The following DPP10 variants were observed in gnomAD, a reference collection of about 807,000 sequenced individuals.
DPP10 encodes the protein inactive dipeptidyl peptidase 10.
A neutral mutation model predicts 120.9 loss-of-function variants in DPP10; 33 were observed. The ratio of observed to expected loss-of-function variants is 0.27; its 90% CI spans 0.21 to 0.37. The LOEUF (loss-of-function observed/expected upper bound fraction) is 0.37, where lower values mean the gene tolerates loss of function less well. Among genes scored for constraint, DPP10 ranks in the 10% least tolerant of loss-of-function variants. The pLI is 1.00. For missense variants in DPP10, 816 were observed against 942.8 expected (o/e 0.87, Z 1.76); for synonymous variants, 337 against 326.1 (o/e 1.03, Z -0.36).
At chr2:114,776,432 C>T (rs1681748352) in intron 1 of DPP10, among the ~76,000 whole-genome samples, 2 of 152,024 alleles carry the variant, frequency 1.3e-5, no homozygotes, top group African/African-American at 4.8e-5. Flanking sequence ...CCAGAGCTTC[C>T]AAGACCTTGT....
intron 5 of DPP10, among the ~76,000 whole-genome samples, chr2:115,598,664 A>T (rs996611083): frequency 1.3e-5 from 2 of 151,908 alleles, no homozygotes; most frequent in African/African-American, 4.8e-5. Flanking sequence ...TATTTGCTTT[A>T]AAGGGTAAAT....
chr2:114,586,157 G>C (rs558442595), intron 1 of DPP10, among the ~76,000 whole-genome samples: 15 of 152,134 alleles, frequency 9.9e-5, no homozygotes, highest in Non-Finnish European at 1.9e-4. Context: ...AGGCTGAGAT[G>C]GAGGATCACT....
intron 1 of DPP10, among the ~76,000 whole-genome samples, chr2:114,638,897 G>A (rs1228677499): frequency 1.4e-4 from 21 of 151,884 alleles, no homozygotes; most frequent in Non-Finnish European, 1.5e-5. Context: ...AGGCGCCCAT[G>A]AGTGGATTGG....
At chr2:115,234,131 TTATTA>T (rs1253246147) in intron 1 of DPP10, among the ~76,000 whole-genome samples, 1 of 152,150 alleles carries the variant, frequency 6.6e-6, no homozygotes, top group African/African-American at 2.4e-5. Flanking sequence ...AGATCTGTGT[TTATTA>T]TATTTTTTCT....
At chr2:114,622,547 C>G (rs1330154910) in intron 1 of DPP10, among the ~76,000 whole-genome samples, 1 of 151,960 alleles carries the variant, frequency 6.6e-6, no homozygotes, top group Non-Finnish European at 1.5e-5. Context: ...GTAGGACTGT[C>G]CCACCTCAGT....
intron 1 of DPP10, among the ~76,000 whole-genome samples, chr2:115,019,280 A>C (rs1457752982): frequency 6.6e-6 from 1 of 152,220 alleles, no homozygotes; most frequent in Non-Finnish European, 1.5e-5. Context: ...AATAAAATGG[A>C]AAAAAGAAAG....
At chr2:115,286,499 T>TTAC in intron 1 of DPP10, among the ~76,000 whole-genome samples, 1 of 54,220 alleles carries the variant, frequency 1.8e-5, no homozygotes, top group South Asian at 7.2e-4. Flanking sequence ...ATAATATATA[T>TTAC]ATATTACATA....
intron 3 of DPP10, among the ~76,000 whole-genome samples, chr2:115,400,492 A>G (rs908428824): frequency 7.2e-4 from 109 of 151,672 alleles, no homozygotes; most frequent in African/African-American, 2.5e-3. Flanking sequence ...AAAAAAAAAA[A>G]TCTTCAGTTC....
chr2:115,746,657 A>G (rs2166472), intron 10 of DPP10, among the ~76,000 whole-genome samples: 86,553 of 152,026 alleles, frequency 0.57, 26,005 homozygotes, highest in East Asian at 0.72. Flanking sequence ...TGTATGAAAT[A>G]CTTATATTTA....
chr2:115,650,053 C>A (rs989883270), intron 5 of DPP10, among the ~76,000 whole-genome samples: 2 of 152,062 alleles, frequency 1.3e-5, no homozygotes, highest in East Asian at 3.9e-4. Flanking sequence ...TAGGGAACAG[C>A]ATTTTTTCCT....
At chr2:114,474,848 G>A (rs1257151105) in intron 1 of DPP10, among the ~76,000 whole-genome samples, 1 of 152,168 alleles carries the variant, frequency 6.6e-6, no homozygotes, top group Non-Finnish European at 1.5e-5. Context: ...TCATGGTAGG[G>A]GCTATATTCC....
chr2:115,602,849 T>A (rs917236637), intron 5 of DPP10, among the ~76,000 whole-genome samples: 2 of 152,196 alleles, frequency 1.3e-5, no homozygotes, highest in African/African-American at 4.8e-5. Flanking sequence ...TTTAAAAAAT[T>A]ACTTTGAAAG....
intron 7 of DPP10, among the ~76,000 whole-genome samples, chr2:115,691,137 A>T (rs2091291240): frequency 6.6e-6 from 1 of 151,610 alleles, no homozygotes; most frequent in African/African-American, 2.4e-5. Context: ...GTTAAAAGGA[A>T]CCCCTTATAT....
intron 19 of DPP10, among the ~76,000 whole-genome samples, chr2:115,792,447 AATAAT>A (rs528701522): frequency 1.4e-4 from 22 of 152,226 alleles, no homozygotes; most frequent in African/African-American, 5.3e-4. Flanking sequence ...ATAATACAGA[AATAAT>A]ATAATATTTA....
At position 114,522,050 on chromosome 2, in the gene DPP10, G is replaced by A. The variant is rs1573556860; in HGVS notation, c.60+79212G>A. 1.4e-5 allele frequency among the ~76,000 whole-genome samples: 2 copies of A among 144,788 alleles called. 1 individual carries two copies. Among genetic ancestry groups the A allele is most frequent in the African/African-American group, 5.1e-5 (2 of 39,154 alleles). The allele number at this position is 144,788 out of a possible 152,430, so 95.0% of individuals were successfully genotyped here. On this transcript the variant is annotated intron_variant, in intron 1 of 25. Coordinates refer to ENST00000410059, the MANE Select transcript of DPP10 (RefSeq NM_020868.6). ...GCTGGAGTGCAGTGGCGGGATCTCG[G>A]CTCACTGCAAGCTCCGCCTCCCGGG... is the stretch of plus-strand genomic sequence containing the variant.
At chr2:115,650,710 G>A in intron 5 of DPP10, among the ~76,000 whole-genome samples, 1 of 151,918 alleles carries the variant, frequency 6.6e-6, no homozygotes, top group Non-Finnish European at 1.5e-5. Context: ...GTATTTCCTA[G>A]TGTAGCCATA....
chr2:115,312,442 G>A (rs2061619700), intron 2 of DPP10, among the ~76,000 whole-genome samples: 1 of 152,110 alleles, frequency 6.6e-6, no homozygotes, highest in Non-Finnish European at 1.5e-5. Context: ...TGCAGCTCAA[G>A]ACTTGAGTCT....
chr2:114,904,431 G>A (rs1271345490), intron 1 of DPP10, among the ~76,000 whole-genome samples: 3 of 152,292 alleles, frequency 2.0e-5, no homozygotes, highest in African/African-American at 7.2e-5. Flanking sequence ...AAATTTCTAG[G>A]CAAAGTGTCA....
At chr2:115,275,701 CTTT>C (rs72078308) in intron 1 of DPP10, among the ~76,000 whole-genome samples, 3 of 131,848 alleles carry the variant, frequency 2.3e-5, no homozygotes, top group African/African-American at 2.9e-5. Context: ...CTTTTCTTTT[CTTT>C]TTTTTTTTTT....
Sources: gnomAD v4.1 joint callset for allele counts (sites outside exome capture counted in the v4.1 genomes callset) on GRCh38, gnomAD v4.1.1 for gene constraint, MANE v1.5 for transcripts, NCBI Gene and HGNC (gene_info 2026-07-23, HGNC 2026-07-21) for gene names.